The following ANKRD12 variants were observed in gnomAD, a reference collection of about 807,000 sequenced individuals.
ANKRD12 encodes the protein ankyrin repeat domain-containing protein 12.
Under a neutral mutation model 183.4 loss-of-function variants are expected in ANKRD12, and 85 were observed. The observed-to-expected ratio is 0.46, with a 90% confidence interval of 0.39 to 0.56. The LOEUF (loss-of-function observed/expected upper bound fraction) is 0.56, where lower values mean the gene tolerates loss of function less well. Among genes scored for constraint, ANKRD12 ranks in the 20% least tolerant of loss-of-function variants. The probability of loss-of-function intolerance (pLI) is 0.00; values close to 1 mark genes in which losing one functional copy is unlikely to be tolerated. For missense variants in ANKRD12, 2,405 were observed against 2,357.1 expected (o/e 1.02, Z -0.42); for synonymous variants, 914 against 800.2 (o/e 1.14, Z -2.40).
At chr18:9,236,168 T>C (rs2037334021) in intron 8 of ANKRD12, among the ~76,000 whole-genome samples, 1 of 152,106 alleles carries the variant, frequency 6.6e-6, no homozygotes, top group African/African-American at 2.4e-5. Flanking sequence ...AAGAAAAATA[T>C]AACAATGGTA....
chr18:9,170,039 T>C (rs2032529045), intron 1 of ANKRD12, among the ~76,000 whole-genome samples: 1 of 152,208 alleles, frequency 6.6e-6, no homozygotes, highest in Admixed American at 6.5e-5. Flanking sequence ...TGAATATTGG[T>C]CCCCACTCTC....
chr18:9,253,010 A>G (rs2038391753), intron 8 of ANKRD12, among the ~76,000 whole-genome samples: 1 of 152,158 alleles, frequency 6.6e-6, no homozygotes, highest in Non-Finnish European at 1.5e-5. Context: ...GTAATTATAT[A>G]TATAAATGCA....
At chr18:9,200,243 T>C (rs1308026023) in intron 3 of ANKRD12, among the ~76,000 whole-genome samples, 1 of 152,216 alleles carries the variant, frequency 6.6e-6, no homozygotes, top group East Asian at 1.9e-4. Context: ...CAACATAATT[T>C]GAAATCAGGC....
At chr18:9,259,759 A>G (rs2038859417) in intron 9 of ANKRD12, 1 of 152,158 alleles carries the variant, frequency 6.6e-6, no homozygotes, top group Non-Finnish European at 1.5e-5. Flanking sequence ...ATTTGCATAT[A>G]TTACTGCAGA....
intron 3 of ANKRD12, among the ~76,000 whole-genome samples, chr18:9,198,210 A>G (rs1247725678): frequency 6.6e-6 from 1 of 152,190 alleles, no homozygotes; most frequent in Non-Finnish European, 1.5e-5. Context: ...AGCATATATC[A>G]AAACCCTTAA....
intron 8 of ANKRD12, among the ~76,000 whole-genome samples, chr18:9,248,039 C>T (rs1379263061): frequency 3.3e-5 from 5 of 152,192 alleles, no homozygotes; most frequent in Non-Finnish European, 7.3e-5. Flanking sequence ...GAGCCCACGT[C>T]GGCCTCCCAA....
intron 2 of ANKRD12, among the ~76,000 whole-genome samples, chr18:9,188,469 A>AAAT (rs1471152097): frequency 6.6e-6 from 1 of 152,232 alleles, no homozygotes. Context: ...ACATGTGCAA[A>AAAT]AATGCAAGAG....
chr18:9,222,071 G>A (rs2036451300), intron 8 of ANKRD12, 72 bp downstream of exon 8: 1 of 1,541,512 alleles, frequency 6.5e-7, no homozygotes, highest in Non-Finnish European at 8.8e-7. Context: ...GGATTCATTT[G>A]TAATATACAA....
At position 9,281,822 on chromosome 18, in the gene ANKRD12, T is replaced by C. The variant is rs1307766637; in HGVS notation, c.*696T>C. 6.6e-6 allele frequency: 1 copy of C among 152,632 alleles called. No homozygotes were observed. The highest frequency in any genetic ancestry group is 1.5e-5 in the Non-Finnish European group (1 of 68,044). 9.5% of individuals were successfully genotyped at this position (152,632 alleles called of 1,614,324 possible). A position where few individuals can be genotyped will look rare whatever the true frequency, so the allele number is the denominator to read the frequency against. On this transcript the variant is annotated 3_prime_UTR_variant, in exon 13 of 13. Transcript: ENST00000262126. ...AGTAGTGTGTACAGGTAGAAAACTTTTAAATACAGCATGCAGGTGTTTCAG... is the reference window on the plus strand; with the variant it reads ...AGTAGTGTGTACAGGTAGAAAACTTCTAAATACAGCATGCAGGTGTTTCAG...
Position 9,257,635 on chromosome 18 carries a change from T to G in ANKRD12, c.4368T>G (p.Asn1456Lys). ...SSLQSFCNSE[N>K]KVLKENADFL... ...TTCAGAGTTTTTGTAATTCTGAAAA[T>G]AAGGTATTGAAAGAAAATGCTGATT... Residue 1456 changes from asparagine to lysine, a missense_variant, in exon 9 of 13, where the codon AAT (asparagine) becomes AAG (lysine). Asn to Lys is a moderately conservative substitution (Grantham distance 94, BLOSUM62 0). Coordinates refer to ENST00000262126, the MANE Select transcript of ANKRD12 (RefSeq NM_015208.5). The G allele has an allele frequency of 6.2e-7, 1 of 1,613,998 alleles. No homozygotes were observed. The highest frequency in any genetic ancestry group is 8.5e-7 in the Non-Finnish European group (1 of 1,179,970).
chr18:9,198,249 T>C (rs1332113397), intron 3 of ANKRD12, among the ~76,000 whole-genome samples: 1 of 152,010 alleles, frequency 6.6e-6, no homozygotes, highest in Non-Finnish European at 1.5e-5. Flanking sequence ...ATCTTCTAAG[T>C]GTGAAAAGGA....
At chr18:9,251,244 T>C (rs1233620202) in intron 8 of ANKRD12, among the ~76,000 whole-genome samples, 1 of 152,158 alleles carries the variant, frequency 6.6e-6, no homozygotes, top group South Asian at 2.1e-4. Context: ...TATACTGTTA[T>C]CTCCCCGCAT....
At chr18:9,267,626 G>A (rs566855384) in intron 10 of ANKRD12, among the ~76,000 whole-genome samples, 4 of 152,212 alleles carry the variant, frequency 2.6e-5, no homozygotes, top group East Asian at 3.9e-4. Context: ...AAAGCAGTGT[G>A]TAGAGGGAAA....
chr18:9,216,520 TG>T (rs1264497771), intron 6 of ANKRD12, among the ~76,000 whole-genome samples: 2 of 152,212 alleles, frequency 1.3e-5, no homozygotes, highest in Non-Finnish European at 2.9e-5. Context: ...TTTGACTGCA[TG>T]GGGGTTAACA....
chr18:9,185,075 A>G (rs1364411634), intron 2 of ANKRD12, among the ~76,000 whole-genome samples: 1 of 152,224 alleles, frequency 6.6e-6, no homozygotes, highest in Admixed American at 6.5e-5. Context: ...GACCAGAAGG[A>G]AAGTGAAAGT....
intron 10 of ANKRD12, among the ~76,000 whole-genome samples, chr18:9,271,208 A>G (rs543334008): frequency 2.0e-5 from 3 of 152,116 alleles, no homozygotes; most frequent in East Asian, 1.9e-4. Context: ...AATAGCTTGG[A>G]CTACAAGCAT....
At chr18:9,211,818 C>G (rs2035818379) in intron 6 of ANKRD12, 34 bp downstream of exon 6, 2 of 1,525,522 alleles carry the variant, frequency 1.3e-6, no homozygotes, top group Non-Finnish European at 1.8e-6. Context: ...ACTATTCAGG[C>G]ACTAAAATTT....
chr18:9,179,831 T>G (rs942242890), intron 1 of ANKRD12, among the ~76,000 whole-genome samples: 1 of 152,216 alleles, frequency 6.6e-6, no homozygotes, highest in Admixed American at 6.5e-5. Context: ...TTTAATTTCT[T>G]TATTGTCTAC....
At chr18:9,242,944 A>G (rs1185197518) in intron 8 of ANKRD12, among the ~76,000 whole-genome samples, 1 of 152,212 alleles carries the variant, frequency 6.6e-6, no homozygotes, top group African/African-American at 2.4e-5. Flanking sequence ...CTTCTTTTGT[A>G]AAGTAGAATT....
Sources: gnomAD v4.1 joint callset for allele counts (sites outside exome capture counted in the v4.1 genomes callset) on GRCh38, gnomAD v4.1.1 for gene constraint, MANE v1.5 for transcripts, NCBI Gene and HGNC (gene_info 2026-07-23, HGNC 2026-07-21) for gene names.